The following PRKCSH variants were observed in gnomAD, a reference collection of about 807,000 sequenced individuals.
PRKCSH encodes the protein glucosidase 2 subunit beta.
A neutral mutation model predicts 79.7 loss-of-function variants in PRKCSH; 42 were observed. That is an observed-to-expected ratio of 0.53 (90% CI 0.41 to 0.68). The LOEUF is 0.68. Ranked by LOEUF, PRKCSH falls within the 30% of genes least tolerant of loss-of-function variation. The pLI, the probability that PRKCSH is intolerant of heterozygous loss-of-function variation, is 0.00. For missense variants in PRKCSH, 686 were observed against 709.0 expected, an observed-to-expected ratio of 0.97 and a Z score of 0.37; for synonymous variants, 325 against 288.2, an observed-to-expected ratio of 1.13 and a Z score of -1.29.
At chr19:11,441,209 C>T (rs376726026) in intron 5 of PRKCSH, 31 bp from the exon 6 acceptor site, 1 of 1,607,702 alleles carries the variant, frequency 6.2e-7, no homozygotes, top group African/African-American at 1.3e-5. Context: ...AAGTGCCCCA[C>T]TGGTGGTGCC....
At chr19:11,443,592 C>T (rs1970163882) in intron 7 of PRKCSH, among the ~76,000 whole-genome samples, 1 of 151,882 alleles carries the variant, frequency 6.6e-6, no homozygotes, top group Non-Finnish European at 1.5e-5. Flanking sequence ...TGCCTGTGGT[C>T]CCAGCTACTT....
At chr19:11,437,472 C>T (rs537014377) in intron 3 of PRKCSH, among the ~76,000 whole-genome samples, 74 of 152,304 alleles carry the variant, frequency 4.9e-4, no homozygotes, top group African/African-American at 1.7e-3. Context: ...CTGCCTCAGC[C>T]TCCTGAGTAG....
Position 11,447,203 on chromosome 19 carries a change from C to T in PRKCSH, c.849+43C>T. On this transcript the variant is annotated intron_variant, in intron 10 of 17. Transcript: ENST00000677123. This position sits in a 1 kb window ranked among gnomAD's most constrained non-coding sequence, Gnocchi z 5.6. ...GAGGGGACTTGGTCCTCCCACCACA[C>T]TGCCCCCACCCCGCCTCACAAAGGA... The T allele has an allele frequency of 1.3e-6, 2 of 1,591,748 alleles. No homozygotes were observed. The highest frequency in any genetic ancestry group is 1.1e-5 in the South Asian group (1 of 90,382).
chr19:11,448,800 C>A lies in PRKCSH; in HGVS notation c.1287-114C>A. ...GCCAGGGGCCAGGTTTAGGGTTGGT[C>A]ATTGGAGTTGGAGGTACCCTGTGTG... On this transcript the variant is annotated intron_variant, in intron 14 of 17. Transcript: ENST00000677123. The surrounding 1 kb of genome is among the most constrained non-coding windows in gnomAD (Gnocchi z 4.4). 1.4e-6 allele frequency: 2 copies of A among 1,421,740 alleles called. No homozygotes were observed. The highest frequency in any genetic ancestry group is 2.3e-5 in the South Asian group (2 of 87,040). The allele number at this position is 1,421,740 out of a possible 1,614,324, so 88.1% of individuals were successfully genotyped here.
rs1970420736 is a variant in PRKCSH at position 11,448,305 on chromosome 19, A to G, written c.1196+14A>G. 6.4e-7 allele frequency: 1 copy of G among 1,568,448 alleles called. No homozygotes were observed. Among genetic ancestry groups the G allele is most frequent in the Admixed American group, 1.9e-5 (1 of 52,812 alleles). On this transcript the variant is annotated intron_variant, in intron 13 of 17. Transcript: ENST00000677123. The surrounding 1 kb of genome is among the most constrained non-coding windows in gnomAD (Gnocchi z 4.4). ...GGAGTCCATCAGGTAGCGGGGGCTG[A>G]GGAGCGGGGACACCTGTCCCACAGC...
chr19:11,449,569 GTC>G lies in PRKCSH; in HGVS notation c.*16+144_*16+145del. On this transcript the variant is annotated intron_variant, in intron 17 of 17. Transcript: ENST00000677123. The surrounding 1 kb of genome is among the most constrained non-coding windows in gnomAD (Gnocchi z 6.4). ...TTTTGTTTTGTTTTTTTGAGGTGGAGTCTCACTCTTTGGCCCAGGCTGGAGTG... is the reference window on the plus strand; with the variant it reads ...TTTTGTTTTGTTTTTTTGAGGTGGAGTCACTCTTTGGCCCAGGCTGGAGTG... 1 of 1,183,156 alleles carries G rather than the reference GTC, an allele frequency of 8.5e-7. No homozygotes were observed. The highest frequency in any genetic ancestry group is 1.2e-6 in the Non-Finnish European group (1 of 841,828). 73.3% of individuals were successfully genotyped at this position (1,183,156 alleles called of 1,614,324 possible).
At chr19:11,444,087 G>A (rs1044372176) in intron 7 of PRKCSH, among the ~76,000 whole-genome samples, 2 of 152,212 alleles carry the variant, frequency 1.3e-5, no homozygotes, top group Non-Finnish European at 2.9e-5. Flanking sequence ...TGCAACTGAA[G>A]ATATTATTTC....
rs1385007351 is a variant in PRKCSH at position 11,445,440 on chromosome 19, C to G, written c.650C>G (p.Ala217Gly). ...AQQEQELAAD[A>G]FKELDDDMDG... The stretch of plus-strand genomic sequence containing the variant: ...CAGGAGCAGGAGCTGGCGGCTGATG[C>G]CTTCAAGGAGCTGGATGATGACATG... The change falls in exon 8 of 18, where the codon GCC becomes GGC. Residue 217 changes from alanine (A) to glycine (G), a missense_variant. By Grantham distance (60) the Ala-to-Gly change is moderately conservative. This residue lies in a region of PRKCSH where 549 missense variants were observed against 520.2 expected (regional missense o/e 1.06). Transcript: ENST00000677123. The G allele has an allele frequency of 1.9e-6, 3 of 1,614,040 alleles. No individual in the cohort carries two copies. Among genetic ancestry groups the G allele is most frequent in the Non-Finnish European group, 2.5e-6 (3 of 1,180,022 alleles).
chr19:11,447,246 C>T lies in PRKCSH; in HGVS notation c.849+86C>T. 6.7e-7 allele frequency: 1 copy of T among 1,498,802 alleles called. No homozygotes were observed. Among genetic ancestry groups the T allele is most frequent in the Non-Finnish European group, 9.2e-7 (1 of 1,090,138 alleles). 92.8% of individuals were successfully genotyped at this position (1,498,802 alleles called of 1,614,324 possible). A position where few individuals can be genotyped will look rare whatever the true frequency, so the allele number is the denominator to read the frequency against. On this transcript the variant is annotated intron_variant, in intron 10 of 17. Transcript: ENST00000677123. The surrounding 1 kb of genome is among the most constrained non-coding windows in gnomAD (Gnocchi z 5.6). The stretch of plus-strand genomic sequence containing the variant: ...ACAAAGGAGCTGCCTCTGGTTCTGG[C>T]ACCTGGCCACCCTGGCCAGCTGGGT...
Position 11,438,220 on chromosome 19 carries a change from T to C in PRKCSH, c.350+96T>C. On this transcript the variant is annotated intron_variant, in intron 5 of 17. Coordinates refer to ENST00000677123, the MANE Select transcript of PRKCSH (RefSeq NM_001289104.2). ...GCCCACTCTCTCTTCTGCTTTTCTG[T>C]ATCGGGTTCTCTGTCTGTGCCAGGT... 3.7e-6 allele frequency: 5 copies of C among 1,357,722 alleles called. No individual in the cohort carries two copies. The East Asian group carries it at 1.2e-4, about 33-fold the overall frequency. The allele number at this position is 1,357,722 out of a possible 1,614,324, so 84.1% of individuals were successfully genotyped here. A position where few individuals can be genotyped will look rare whatever the true frequency, so the allele number is the denominator to read the frequency against.
intron 1 of PRKCSH, 60 bp downstream of exon 1, chr19:11,435,766 G>A: frequency 7.2e-7 from 1 of 1,385,144 alleles, no homozygotes; most frequent in Non-Finnish European, 9.5e-7. Flanking sequence ...CAACCGGAGG[G>A]TGCATGTGTG....
intron 6 of PRKCSH, 63 bp downstream of exon 6, chr19:11,441,420 T>C: frequency 2.0e-6 from 3 of 1,514,992 alleles, no homozygotes; most frequent in Non-Finnish European, 2.7e-6. Context: ...AGTGTGGGCT[T>C]GCAAGGCTGG....
intron 5 of PRKCSH, 39 bp from the exon 6 acceptor site, chr19:11,441,201 G>A (rs1257735075): frequency 1.3e-6 from 2 of 1,598,802 alleles, no homozygotes; most frequent in Admixed American, 1.7e-5. Context: ...TGGATCCTAA[G>A]TGCCCCACTG....
Position 11,436,160 on chromosome 19 carries a change from G to A in PRKCSH, c.43G>A (p.Val15Met). Residue 15 changes from valine (V) to methionine (M), a missense_variant, in exon 2 of 18, where the codon GTG becomes ATG. Val to Met is a conservative substitution (Grantham distance 21). Coordinates refer to ENST00000677123, the MANE Select transcript of PRKCSH (RefSeq NM_001289104.2). ...GCTGCTGCTACCCATGTGCTGGGCC[G>A]TGGAGGTCAAGAGGCCCCGGGGCGT... Reference protein sequence around the residue: ...LLLLLPMCWAVEVKRPRGVSL... With the variant: ...LLLLLPMCWAMEVKRPRGVSL... 6.2e-7 allele frequency: 1 copy of A among 1,601,964 alleles called. No individual in the cohort carries two copies.
chr19:11,444,792 G>A (rs575430231), intron 7 of PRKCSH, among the ~76,000 whole-genome samples: 2 of 152,030 alleles, frequency 1.3e-5, no homozygotes, highest in Admixed American at 6.6e-5. Flanking sequence ...CCCCAGGACC[G>A]GTCTCCCTCC....
intron 8 of PRKCSH, 113 bp downstream of exon 8, chr19:11,445,586 G>T (rs1310246933): frequency 4.7e-6 from 5 of 1,064,236 alleles, no homozygotes; most frequent in Non-Finnish European, 7.0e-6. Flanking sequence ...CCGGCGTGGG[G>T]TCCAGGCTGA....
chr19:11,441,441 G>A, intron 6 of PRKCSH, 84 bp downstream of exon 6: 1 of 1,254,564 alleles, frequency 8.0e-7, no homozygotes. Context: ...GGAGGGGTTT[G>A]CCCCTGACTG....
chr19:11,443,328 A>T (rs1377711778), intron 7 of PRKCSH, among the ~76,000 whole-genome samples: 1 of 151,134 alleles, frequency 6.6e-6, no homozygotes, highest in Non-Finnish European at 1.5e-5. Flanking sequence ...CAGGCAGATC[A>T]CGAGGTCAGG....
intron 7 of PRKCSH, 148 bp from the exon 8 acceptor site, chr19:11,445,241 A>G: frequency 1.4e-6 from 1 of 708,212 alleles, no homozygotes. Flanking sequence ...AAGGGCAGGG[A>G]CCTTTGTCTC....
Sources: allele counts gnomAD v4.1 joint callset (sites outside exome capture counted in the v4.1 genomes callset), GRCh38; gene constraint gnomAD v4.1.1; regional missense constraint gnomAD v4.1.1; non-coding constraint Gnocchi (gnomAD v3.1); transcripts MANE v1.5; gene names NCBI Gene and HGNC (gene_info 2026-07-23, HGNC 2026-07-21).